HYAL4: variants seen among roughly 807,000 people sequenced by gnomAD.
The protein encoded by HYAL4 is hyaluronidase 4.
A neutral mutation model predicts 35.2 loss-of-function variants in HYAL4; 37 were observed. That is an observed-to-expected ratio of 1.05 (90% CI 0.81 to 1.38). The LOEUF is 1.38. Ranked by LOEUF, HYAL4 falls within the 40% of genes most tolerant of loss-of-function variation. The pLI, the probability that HYAL4 is intolerant of heterozygous loss-of-function variation, is 0.00. For synonymous variants in HYAL4, 198 were observed against 203.2 expected (o/e 0.97, Z 0.22); for missense variants, 572 against 572.4 (o/e 1.00, Z 0.01).
chr7:123,823,455 G>A, the HYAL4 span, among the ~76,000 whole-genome samples: 1 of 152,012 alleles, frequency 6.6e-6, no homozygotes, highest in African/African-American at 2.4e-5. Context: ...TCAGGGTAAT[G>A]CTGGCATCAT....
upstream of HYAL4, chr7:123,844,212 G>C (rs1336089090): frequency 6.7e-6 from 1 of 149,860 alleles, no homozygotes; most frequent in Non-Finnish European, 1.5e-5. Flanking sequence ...TGATGTTGAT[G>C]CTATTCCTTT....
At chr7:123,867,186 G>A (rs533786327) in intron 2 of HYAL4, among the ~76,000 whole-genome samples, 1 of 152,302 alleles carries the variant, frequency 6.6e-6, no homozygotes, top group African/African-American at 2.4e-5. Flanking sequence ...CAATCACTGA[G>A]TCAAGGAGTA....
intron 1 of HYAL4, among the ~76,000 whole-genome samples, chr7:123,834,308 T>G (rs1307840256): frequency 6.6e-5 from 10 of 152,166 alleles, no homozygotes; most frequent in Admixed American, 6.5e-4. Context: ...ACCTCCTTAG[T>G]TAGATATATT....
chr7:123,864,319 T>C (rs1806641032), intron 2 of HYAL4, among the ~76,000 whole-genome samples: 1 of 152,188 alleles, frequency 6.6e-6, no homozygotes, highest in Admixed American at 6.5e-5. Flanking sequence ...GAACTAGTCC[T>C]TCCTATATAT....
At chr7:123,802,202 A>T in the HYAL4 span, among the ~76,000 whole-genome samples, 1 of 152,090 alleles carries the variant, frequency 6.6e-6, no homozygotes, top group South Asian at 2.1e-4. Context: ...TAAAAAGGTT[A>T]TTTTTTTGCT....
chr7:123,839,468 A>G (rs990107123), intron 1 of HYAL4, among the ~76,000 whole-genome samples: 1 of 152,208 alleles, frequency 6.6e-6, no homozygotes, highest in Admixed American at 6.5e-5. Context: ...TCTTTATAAT[A>G]GCATGATTTA....
chr7:123,833,717 C>G (rs1442923763), intron 1 of HYAL4, among the ~76,000 whole-genome samples: 1 of 152,078 alleles, frequency 6.6e-6, no homozygotes, highest in African/African-American at 2.4e-5. Flanking sequence ...AGTTTCACAT[C>G]TTAGATTTAA....
chr7:123,799,349 T>A, the HYAL4 span, among the ~76,000 whole-genome samples: 7 of 151,836 alleles, frequency 4.6e-5, no homozygotes, highest in Non-Finnish European at 1.0e-4. Flanking sequence ...CCTACTCTTT[T>A]ATCAGCAGGC....
At chr7:123,847,556 T>C (rs1216611704) in intron 1 of HYAL4, among the ~76,000 whole-genome samples, 3 of 152,088 alleles carry the variant, frequency 2.0e-5, no homozygotes, top group Non-Finnish European at 4.4e-5. Flanking sequence ...GTCAGGTGGA[T>C]CACAAGATCA....
Position 123,845,243 on chromosome 7 carries a change from C to T in HYAL4, c.-564C>T, listed in dbSNP as rs1806151458. On this transcript the variant is annotated 5_prime_UTR_variant, in exon 1 of 5. Transcript: ENST00000223026. ...TTTTTTTTTGAGATGAAGTCTTACT[C>T]TGTTGCCCAGGCTAGAGTGTAGTGG... The T allele has an allele frequency of 3.9e-5, 4 of 101,974 alleles. No homozygotes were observed. The South Asian group carries it at 1.4e-3, about 35-fold the overall frequency. 6.3% of individuals were successfully genotyped at this position (101,974 alleles called of 1,614,324 possible). A position where few individuals can be genotyped will look rare whatever the true frequency, so the allele number is the denominator to read the frequency against.
chr7:123,821,622 T>C, the HYAL4 span, among the ~76,000 whole-genome samples: 1 of 152,214 alleles, frequency 6.6e-6, no homozygotes. Flanking sequence ...GCTGTTTCTT[T>C]TGCTGTGCAA....
upstream of HYAL4, among the ~76,000 whole-genome samples, chr7:123,826,426 A>G (rs1173767509): frequency 1.2e-4 from 18 of 152,152 alleles, no homozygotes. Flanking sequence ...GTCCAGGTGA[A>G]AGCCAATGCC....
upstream of HYAL4, among the ~76,000 whole-genome samples, chr7:123,828,476 G>A (rs926397355): frequency 1.4e-5 from 2 of 140,722 alleles, no homozygotes; most frequent in African/African-American, 5.2e-5. Context: ...CTAAAAACTT[G>A]GATGAGAACT....
the HYAL4 span, among the ~76,000 whole-genome samples, chr7:123,772,960 A>G: frequency 6.6e-6 from 1 of 152,232 alleles, no homozygotes; most frequent in Admixed American, 6.5e-5. Context: ...TGATAGTGCC[A>G]GCTATTCATG....
chr7:123,833,945 TGC>T (rs1191262479), intron 1 of HYAL4, among the ~76,000 whole-genome samples: 1 of 152,226 alleles, frequency 6.6e-6, no homozygotes, highest in Non-Finnish European at 1.5e-5. Context: ...TTGGTCTATG[TGC>T]CTATTTTTAT....
the HYAL4 span, among the ~76,000 whole-genome samples, chr7:123,815,671 G>A: frequency 5.3e-5 from 8 of 152,238 alleles, no homozygotes; most frequent in South Asian, 1.4e-3. Context: ...TGAAGACATG[G>A]CAAGTGTCCA....
At chr7:123,841,032 G>T (rs994081236), upstream of HYAL4, among the ~76,000 whole-genome samples, 2 of 151,940 alleles carry the variant, frequency 1.3e-5, no homozygotes, top group Non-Finnish European at 2.9e-5. Context: ...ATGTTGAATA[G>T]GAGTGGTGAG....
At chr7:123,854,434 T>G (rs1319996179) in intron 2 of HYAL4, among the ~76,000 whole-genome samples, 1 of 152,232 alleles carries the variant, frequency 6.6e-6, no homozygotes, top group Non-Finnish European at 1.5e-5. Context: ...TTGTTCTCAT[T>G]GGTTTCAAAG....
intron 3 of HYAL4, among the ~76,000 whole-genome samples, chr7:123,870,561 AGACCAGCCT>A (rs1806850302): frequency 6.6e-6 from 1 of 152,154 alleles, no homozygotes; most frequent in African/African-American, 2.4e-5. Context: ...CAGGAGTTTA[AGACCAGCCT>A]GACCAAGATA....
Sources: gnomAD v4.1 joint callset for allele counts (sites outside exome capture counted in the v4.1 genomes callset) on GRCh38, gnomAD v4.1.1 for gene constraint, MANE v1.5 for transcripts, NCBI Gene and HGNC (gene_info 2026-07-23, HGNC 2026-07-21) for gene names.